The following MYPN variants were observed in gnomAD, a reference collection of about 807,000 sequenced individuals.
MYPN encodes the protein sarcomeric protein myopalladin, 145 kDa (MYOP).
MYPN carries 63 observed loss-of-function variants against 129.4 expected under a neutral mutation model. The observed-to-expected ratio is 0.49, with a 90% CI of 0.40 to 0.60. MYPN has a LOEUF of 0.60. MYPN is among the 20% of genes least tolerant of loss of function. The pLI is 0.00. For synonymous variants in MYPN, 629 were observed against 600.9 expected, an observed-to-expected ratio of 1.05 and a Z score of -0.68; for missense variants, 1,596 against 1,635.4, an observed-to-expected ratio of 0.98 and a Z score of 0.42.
chr10:68,150,777 G>T (rs1292123443), intron 6 of MYPN, among the ~76,000 whole-genome samples: 3 of 152,116 alleles, frequency 2.0e-5, no homozygotes, highest in Admixed American at 2.0e-4. Context: ...TTTATATGTT[G>T]CCCAAGCCAG....
In MYPN at chr10:68,197,362, C is replaced by T. The variant is rs1057519572; in HGVS notation, c.3169C>T (p.Arg1057Ter). The stretch of plus-strand genomic sequence containing the variant: ...TGCTTGTTGTTATAGGGGAAGATCC[C>T]GAGTGCAAGAAAGAGACAAAGAGCC... ...SAGQSHRGRS[R>*]VQERDKEPLQ... is the part of the protein sequence containing the mutation. The change falls in exon 16 of 20, where the codon CGA becomes TGA. Residue 1057 changes from arginine (R) to a stop codon, truncating the protein, a stop_gained. Transcript: ENST00000358913. LOFTEE classifies it high-confidence loss of function. 1.9e-6 allele frequency: 3 copies of T among 1,613,334 alleles called. No individual in the cohort carries two copies. The highest frequency in any genetic ancestry group is 1.7e-5 in the Admixed American group (1 of 59,978).
chr10:68,174,915 A>G (rs528869401), intron 11 of MYPN, among the ~76,000 whole-genome samples: 2 of 152,284 alleles, frequency 1.3e-5, no homozygotes, highest in African/African-American at 4.8e-5. Flanking sequence ...AAGGCAGATC[A>G]CTTGAGTTCT....
chr10:68,136,816 T>A, intron 2 of MYPN: 2 of 1,345,598 alleles, frequency 1.5e-6, no homozygotes, highest in Non-Finnish European at 2.0e-6. Flanking sequence ...AAATAGCTAT[T>A]GATATTTGTT....
chr10:68,160,691 C>T (rs4745945), intron 7 of MYPN, among the ~76,000 whole-genome samples: 61,705 of 151,840 alleles, frequency 0.41, 14,393 homozygotes, highest in Non-Finnish European at 0.53. Context: ...CTGAGGCGGG[C>T]GGATCACGTG....
intron 7 of MYPN, among the ~76,000 whole-genome samples, chr10:68,160,760 T>C (rs996516771): frequency 2.6e-5 from 4 of 151,822 alleles, no homozygotes; most frequent in African/African-American, 9.7e-5. Flanking sequence ...CTACTAAAAA[T>C]ACAAAACTTA....
intron 10 of MYPN, among the ~76,000 whole-genome samples, chr10:68,171,635 G>A (rs1358040690): frequency 2.0e-5 from 3 of 152,200 alleles, no homozygotes; most frequent in African/African-American, 7.2e-5. Flanking sequence ...GCCTAAAGCA[G>A]CAAGGTTCAT....
At chr10:68,202,092 T>A in intron 18 of MYPN, 98 bp downstream of exon 18, 1 of 1,368,582 alleles carries the variant, frequency 7.3e-7, no homozygotes, top group Non-Finnish European at 1.0e-6. Flanking sequence ...GCTTACTTCA[T>A]TTAGAATAAT....
At chr10:68,125,643 C>A (rs1180437389) in intron 2 of MYPN, among the ~76,000 whole-genome samples, 1 of 152,124 alleles carries the variant, frequency 6.6e-6, no homozygotes, top group Non-Finnish European at 1.5e-5. Context: ...TTTTATAGTA[C>A]AAACTTTAAG....
At chr10:68,149,909 T>C (rs917385843) in intron 5 of MYPN, 131 bp from the exon 6 acceptor site, 8 of 795,840 alleles carry the variant, frequency 1.0e-5, no homozygotes, top group Non-Finnish European at 1.5e-5. Context: ...CTGTGATTCA[T>C]AAACTTAGAA....
chr10:68,119,692 G>A (rs1350657536), intron 1 of MYPN, among the ~76,000 whole-genome samples: 6 of 152,170 alleles, frequency 3.9e-5, no homozygotes, highest in South Asian at 2.1e-4. Context: ...GATCATAGGC[G>A]TGCGCCGCTG....
At chr10:68,160,440 A>C (rs1210297145) in intron 7 of MYPN, among the ~76,000 whole-genome samples, 12 of 148,680 alleles carry the variant, frequency 8.1e-5, no homozygotes, top group African/African-American at 2.7e-4. Context: ...AAAAAAAAAA[A>C]AAAAAAAAAA....
intron 12 of MYPN, among the ~76,000 whole-genome samples, chr10:68,186,285 T>A (rs1428430749): frequency 6.6e-6 from 1 of 152,188 alleles, no homozygotes; most frequent in Non-Finnish European, 1.5e-5. Context: ...TTCCAGTAAA[T>A]TAAAACCAAG....
At chr10:68,185,184 G>A (rs1289735727) in intron 12 of MYPN, among the ~76,000 whole-genome samples, 2 of 147,832 alleles carry the variant, frequency 1.4e-5, no homozygotes, top group African/African-American at 5.0e-5. Flanking sequence ...GAGGGAAGGA[G>A]GGAAGGAGGG....
chr10:68,208,619 A>C (rs142866277), intron 19 of MYPN, among the ~76,000 whole-genome samples: 2 of 152,116 alleles, frequency 1.3e-5, no homozygotes, highest in Non-Finnish European at 2.9e-5. Context: ...TCTTGTGCCA[A>C]TCCTGCCCTC....
At position 68,182,450 on chromosome 10, in the gene MYPN, A is replaced by C. The variant is rs902781355; in HGVS notation, c.2704-6455A>C. On this transcript the variant is annotated intron_variant, in intron 12 of 19. Coordinates refer to ENST00000358913, the MANE Select transcript of MYPN (RefSeq NM_032578.4). The stretch of plus-strand genomic sequence containing the variant: ...TAACACATATATATAACATATATAT[A>C]ACATATATATATAACATATATACAC... Among the ~76,000 whole-genome samples, 3 of 86,444 alleles carry C rather than the reference A, an allele frequency of 3.5e-5. No homozygotes were observed. The East Asian group carries it at 1.8e-3, about 51-fold the overall frequency. 56.7% of individuals were successfully genotyped at this position (86,444 alleles called of 152,430 possible). A position where few individuals can be genotyped will look rare whatever the true frequency, so the allele number is the denominator to read the frequency against.
upstream of MYPN, chr10:68,106,532 C>A: frequency 1.6e-6 from 1 of 636,168 alleles, no homozygotes; most frequent in Admixed American, 2.6e-5. Context: ...TTCAAAAATA[C>A]GGCATAGAGG....
chr10:68,182,373 CAT>C (rs1384374220), intron 12 of MYPN, among the ~76,000 whole-genome samples: 1 of 95,822 alleles, frequency 1.0e-5, no homozygotes, highest in Admixed American at 1.1e-4. Flanking sequence ...ATATATATAA[CAT>C]ATATAACACA....
At chr10:68,194,260 C>A in intron 13 of MYPN, 103 bp from the exon 14 acceptor site, 2 of 1,225,424 alleles carry the variant, frequency 1.6e-6, no homozygotes, top group Non-Finnish European at 2.3e-6. Flanking sequence ...AAAGTATGGT[C>A]ACTTAAAAGA....
At chr10:68,145,027 CTTT>C (rs768474511) in intron 3 of MYPN, among the ~76,000 whole-genome samples, 3 of 141,894 alleles carry the variant, frequency 2.1e-5, no homozygotes, top group Non-Finnish European at 4.7e-5. Flanking sequence ...GAGTTCATTT[CTTT>C]TTTTTTTTTT....
Sources: gnomAD v4.1 joint callset for allele counts (sites outside exome capture counted in the v4.1 genomes callset) on GRCh38, gnomAD v4.1.1 for gene constraint, MANE v1.5 for transcripts, NCBI Gene and HGNC (gene_info 2026-07-23, HGNC 2026-07-21) for gene names.